GLRA3: variants seen among roughly 807,000 people sequenced by gnomAD.
GLRA3 encodes the protein glycine receptor alpha 3.
A neutral mutation model predicts 60.4 loss-of-function variants in GLRA3; 44 were observed. That is an observed-to-expected ratio of 0.73 (90% CI 0.57 to 0.94). The LOEUF (loss-of-function observed/expected upper bound fraction) is 0.94, where lower values mean the gene tolerates loss of function less well. Among genes scored for constraint, GLRA3 ranks in the 40% least tolerant of loss-of-function variants. The probability of loss-of-function intolerance (pLI) is 0.00; values close to 1 mark genes in which losing one functional copy is unlikely to be tolerated. For synonymous variants in GLRA3, 223 were observed against 192.9 expected (o/e 1.16, Z -1.29); for missense variants, 508 against 564.6 (o/e 0.90, Z 1.02).
chr4:174,765,434 G>A (rs568608236), intron 3 of GLRA3, among the ~76,000 whole-genome samples: 54 of 152,078 alleles, frequency 3.6e-4, no homozygotes, highest in Non-Finnish European at 4.4e-4. Context: ...AGTATTTCAT[G>A]GACGCAATCA....
rs114261274 is a variant in GLRA3 at position 174,744,954 on chromosome 4, T to A, written c.268-16256A>T. 8.8e-3 allele frequency among the ~76,000 whole-genome samples: 1,339 copies of A among 152,240 alleles called. 21 individuals are homozygous for A. The highest frequency in any genetic ancestry group is 0.03 in the African/African-American group (1,246 of 41,536). On this transcript the variant is annotated intron_variant, in intron 3 of 9. Transcript: ENST00000274093. ...GAGAAATTTACAAAAGGGATAGCTATCTTAGTGAAGAACCAAACACAAATT... is the reference window on the plus strand; with the variant it reads ...GAGAAATTTACAAAAGGGATAGCTAACTTAGTGAAGAACCAAACACAAATT...
At chr4:174,726,788 T>A (rs116211707) in intron 4 of GLRA3, among the ~76,000 whole-genome samples, 266 of 151,916 alleles carry the variant, frequency 1.8e-3, no homozygotes, top group South Asian at 3.5e-3. Context: ...AAAAAGTATG[T>A]CTGTTCCATC....
chr4:174,817,042 A>C (rs887013372), intron 1 of GLRA3, among the ~76,000 whole-genome samples: 2 of 152,114 alleles, frequency 1.3e-5, no homozygotes, highest in African/African-American at 4.8e-5. Flanking sequence ...GCTTCAGTGA[A>C]GGTCTGAGCT....
At position 174,638,861 on chromosome 4, in the gene GLRA3, C is replaced by T. The variant is rs551441820; in HGVS notation, c.*4925G>A. 1.3e-5 allele frequency: 2 copies of T among 152,200 alleles called. No homozygotes were observed. Among genetic ancestry groups the T allele is most frequent in the South Asian group, 4.1e-4 (2 of 4,820 alleles). 9.4% of individuals were successfully genotyped at this position (152,200 alleles called of 1,614,324 possible). On this transcript the variant is annotated 3_prime_UTR_variant, in exon 10 of 10. Coordinates refer to ENST00000274093, the MANE Select transcript of GLRA3 (RefSeq NM_006529.4). Reference sequence around the variant, plus strand: ...ATATTTGTTTAATCAATGATTAAATCATAATCTTCTATGTTGGACACCAAG... The same window carrying T: ...ATATTTGTTTAATCAATGATTAAATTATAATCTTCTATGTTGGACACCAAG...
In GLRA3 at chr4:174,767,001, A is replaced by G. The variant is rs753341473; in HGVS notation, c.229T>C (p.Phe77Leu). 1.9e-6 allele frequency: 3 copies of G among 1,602,998 alleles called. 1 individual carries two copies. The highest frequency in any genetic ancestry group is 2.2e-5 in the South Asian group (2 of 90,522). The change falls in exon 3 of 10, where the codon TTC (phenylalanine) becomes CTC (leucine). Residue 77 changes from phenylalanine (F) to leucine (L), a missense_variant. Phe to Leu is a conservative substitution (Grantham distance 22). Coordinates refer to ENST00000274093, the MANE Select transcript of GLRA3 (RefSeq NM_006529.4). ...GCGATAGAGCCAAAGCTGTTGATGA[A>G]TATGTTGCATGTGACATTAACTGGA... ...GPPVNVTCNI[F>L]INSFGSIAET... is the part of the protein sequence containing the mutation.
intron 1 of GLRA3, among the ~76,000 whole-genome samples, chr4:174,816,317 C>T (rs1256857325): frequency 6.6e-6 from 1 of 152,128 alleles, no homozygotes; most frequent in Non-Finnish European, 1.5e-5. Flanking sequence ...GGTTTATTTA[C>T]CCCAACTGGA....
At chr4:174,724,017 T>C (rs1736225060) in intron 4 of GLRA3, among the ~76,000 whole-genome samples, 1 of 151,284 alleles carries the variant, frequency 6.6e-6, no homozygotes, top group Admixed American at 6.6e-5. Flanking sequence ...TATATGTATA[T>C]TTTTACATAC....
intron 5 of GLRA3, among the ~76,000 whole-genome samples, chr4:174,714,005 C>T (rs904932734): frequency 6.6e-6 from 1 of 152,208 alleles, no homozygotes; most frequent in African/African-American, 2.4e-5. Flanking sequence ...AGCTATTTCT[C>T]TCTGACACAC....
At chr4:174,781,172 G>A (rs566444057) in intron 2 of GLRA3, among the ~76,000 whole-genome samples, 74 of 152,014 alleles carry the variant, frequency 4.9e-4, no homozygotes, top group African/African-American at 1.6e-3. Context: ...ACTCAAAACC[G>A]CTCAACTACA....
chr4:174,647,987 C>T (rs1454671198), intron 9 of GLRA3, among the ~76,000 whole-genome samples: 1 of 152,138 alleles, frequency 6.6e-6, no homozygotes, highest in East Asian at 1.9e-4. Context: ...CCATGCTTTC[C>T]TACATCTTTA....
At chr4:174,724,214 T>A (rs1198692491) in intron 4 of GLRA3, among the ~76,000 whole-genome samples, 1 of 152,024 alleles carries the variant, frequency 6.6e-6, no homozygotes, top group Non-Finnish European at 1.5e-5. Context: ...ATGTTCTTAT[T>A]AGTGAACATA....
intron 2 of GLRA3, among the ~76,000 whole-genome samples, chr4:174,771,795 T>C (rs971282791): frequency 2.6e-5 from 4 of 152,198 alleles, no homozygotes; most frequent in Non-Finnish European, 5.9e-5. Flanking sequence ...AGGCATTGAA[T>C]AAAGGATGAG....
rs933312764 is a variant in GLRA3 at position 174,656,675 on chromosome 4, C to T, written c.1116+68G>A. ...CCCACCAAACACTGCCTTGGTAGTG[C>T]AGAATATGCTGTCTGCTTTTTACTG... On this transcript the variant is annotated intron_variant, in intron 9 of 9. Coordinates refer to ENST00000274093, the MANE Select transcript of GLRA3 (RefSeq NM_006529.4). 3.6e-5 allele frequency: 30 copies of T among 838,664 alleles called. No individual in the cohort carries two copies. The Admixed American group carries it at 5.3e-4, about 15-fold the overall frequency. 52.0% of individuals were successfully genotyped at this position (838,664 alleles called of 1,614,324 possible). A position where few individuals can be genotyped will look rare whatever the true frequency, so the allele number is the denominator to read the frequency against.
At position 174,799,633 on chromosome 4, in the gene GLRA3, C is replaced by T. The variant is rs190279630; in HGVS notation, c.72-10690G>A. Among the ~76,000 whole-genome samples the T allele has an allele frequency of 6.8e-4, 104 of 152,260 alleles. 1 individual carries two copies. The highest frequency in any genetic ancestry group is 2.3e-3 in the African/African-American group (94 of 41,552). ...GAATTCAACTTTAGTAAGAATGACC[C>T]AGAAATACAGAACCTTAGAAAGAAG... is the stretch of plus-strand genomic sequence containing the variant. On this transcript the variant is annotated intron_variant, in intron 1 of 9. Transcript: ENST00000274093.
At chr4:174,674,561 TTC>T (rs561538473) in intron 7 of GLRA3, among the ~76,000 whole-genome samples, 113 of 152,300 alleles carry the variant, frequency 7.4e-4, no homozygotes, top group African/African-American at 2.6e-3. Context: ...TGAGATTTCA[TTC>T]TCTGAGTCTT....
At position 174,677,131 on chromosome 4, in the gene GLRA3, T is replaced by C. The variant is rs779639582; in HGVS notation, c.874A>G (p.Thr292Ala). ...CTCTGTGTAGTCATCGTTAGCACAG[T>C]GGTTATCCCCAGAGCTACCCTGGCC... ...APARVALGIT[T>A]VLTMTTQSSG... is the part of the protein sequence containing the mutation. The change falls in exon 7 of 10, where the codon ACT (threonine) becomes GCT (alanine). Residue 292 changes from threonine to alanine, a missense_variant. By Grantham distance (58) the Thr-to-Ala change is moderately conservative. Around this residue, in one of 3 missense-constraint regions of GLRA3, gnomAD observed 3 missense variants for 17.4 expected, o/e 0.17. Transcript: ENST00000274093. The C allele has an allele frequency of 1.9e-6, 3 of 1,613,624 alleles. No homozygotes were observed. The highest frequency in any genetic ancestry group is 2.2e-5 in the South Asian group (2 of 91,072).
At position 174,698,817 on chromosome 4, in the gene GLRA3, A is replaced by G. The variant is rs375127962; in HGVS notation, c.575-15878T>C. On this transcript the variant is annotated intron_variant, in intron 5 of 9. Coordinates refer to ENST00000274093, the MANE Select transcript of GLRA3 (RefSeq NM_006529.4). ...TTTATTGAAGTACTTGAGAGAGGTA[A>G]TTAGCATGGTATGGACAGATTTCAA... Among the ~76,000 whole-genome samples the G allele has an allele frequency of 1.2e-4, 19 of 152,288 alleles. No homozygotes were observed. In the East Asian group the frequency reaches 2.7e-3, roughly 22 times the overall value.
At position 174,789,011 on chromosome 4, in the gene GLRA3, A is replaced by G. The variant is rs1739228007; in HGVS notation, c.72-68T>C. 2.0e-5 allele frequency: 20 copies of G among 1,017,026 alleles called. No homozygotes were observed. In the South Asian group the frequency reaches 3.5e-4, roughly 18 times the overall value. 63.0% of individuals were successfully genotyped at this position (1,017,026 alleles called of 1,614,324 possible). On this transcript the variant is annotated intron_variant, in intron 1 of 9. Coordinates refer to ENST00000274093, the MANE Select transcript of GLRA3 (RefSeq NM_006529.4). ...TTTCTAATAATTGTTACCTACAAATATAAAATAGAAATGCTGAGCTAAATA... is the reference window on the plus strand; with the variant it reads ...TTTCTAATAATTGTTACCTACAAATGTAAAATAGAAATGCTGAGCTAAATA...
At chr4:174,804,149 G>C (rs1422483010) in intron 1 of GLRA3, among the ~76,000 whole-genome samples, 1 of 152,118 alleles carries the variant, frequency 6.6e-6, no homozygotes, top group Non-Finnish European at 1.5e-5. Flanking sequence ...AAAACTCAGT[G>C]AAAATTTATA....
Sources: gnomAD v4.1 joint callset for allele counts (sites outside exome capture counted in the v4.1 genomes callset) on GRCh38, gnomAD v4.1.1 for gene constraint, gnomAD v4.1.1 regional missense constraint, MANE v1.5 for transcripts, NCBI Gene and HGNC (gene_info 2026-07-23, HGNC 2026-07-21) for gene names.